MSRA: variants seen among roughly 807,000 people sequenced by gnomAD.
MSRA encodes methionine sulfoxide reductase A.
Under a neutral mutation model 31.3 loss-of-function variants are expected in MSRA, and 54 were observed. The ratio of observed to expected loss-of-function variants is 1.73; its 90% CI spans 1.39 to 2.17. The LOEUF (loss-of-function observed/expected upper bound fraction) is 2.17, where lower values mean the gene tolerates loss of function less well. MSRA is among the 30% of genes most tolerant of loss of function. The pLI, the probability that MSRA is intolerant of heterozygous loss-of-function variation, is 0.00. For missense variants in MSRA, 507 were observed against 300.9 expected (o/e 1.69, Z -5.07); for synonymous variants, 169 against 116.5 (o/e 1.45, Z -2.90).
intron 5 of MSRA, among the ~76,000 whole-genome samples, chr8:10,396,839 G>C (rs558819876): frequency 6.6e-6 from 1 of 152,182 alleles, no homozygotes; most frequent in Non-Finnish European, 1.5e-5. Flanking sequence ...GCCCTTACGC[G>C]AGATCTGTTG....
intron 3 of MSRA, among the ~76,000 whole-genome samples, chr8:10,251,958 C>T (rs1797941153): frequency 6.6e-6 from 1 of 152,074 alleles, no homozygotes; most frequent in Non-Finnish European, 1.5e-5. Flanking sequence ...AACTGGGTGA[C>T]CATGGAACCC....
intron 2 of MSRA, among the ~76,000 whole-genome samples, chr8:10,227,012 A>G (rs1204191098): frequency 6.6e-6 from 1 of 152,224 alleles, no homozygotes; most frequent in Non-Finnish European, 1.5e-5. Context: ...TTCCACGAGC[A>G]GAGGTCATTC....
chr8:10,339,699 G>A (rs911541228), intron 5 of MSRA, among the ~76,000 whole-genome samples: 4 of 151,720 alleles, frequency 2.6e-5, no homozygotes, highest in South Asian at 2.1e-4. Context: ...CTGCCACCAC[G>A]CCCGGCTAAT....
intron 5 of MSRA, among the ~76,000 whole-genome samples, chr8:10,366,359 G>A (rs1332567959): frequency 3.3e-5 from 5 of 152,222 alleles, no homozygotes; most frequent in African/African-American, 4.8e-5. Flanking sequence ...GTGTGAGCTC[G>A]GAAGATGCGA....
At position 10,319,898 on chromosome 8, in the gene MSRA, A is replaced by T. The variant is rs751013280; in HGVS notation, c.452A>T (p.Asn151Ile). The change falls in exon 5 of 6, where the codon AAC becomes ATC. Residue 151 changes from asparagine (N) to isoleucine (I), a missense_variant. By Grantham distance (149) the Asn-to-Ile change is moderately radical. Coordinates refer to ENST00000317173, the MANE Select transcript of MSRA (RefSeq NM_012331.5). Reference protein sequence around the residue: ...HDPTQGMRQGNDHGTQYRSAI... With the variant: ...HDPTQGMRQGIDHGTQYRSAI... ...GCTTTCCTAGGTATGCGCCAGGGGA[A>T]CGACCATGGCACTCAGTACCGCTCG... is the stretch of plus-strand genomic sequence containing the variant. 1 of 1,558,610 alleles carries T rather than the reference A, an allele frequency of 6.4e-7. No homozygotes were observed. Among genetic ancestry groups the T allele is most frequent in the African/African-American group, 1.4e-5 (1 of 72,970 alleles).
At chr8:10,114,457 A>T (rs7012601) in intron 1 of MSRA, among the ~76,000 whole-genome samples, 88,661 of 151,780 alleles carry the variant, frequency 0.58, 26,063 homozygotes, top group Middle Eastern at 0.67. Flanking sequence ...CTACCAATAA[A>T]GTATGAGCAT....
At chr8:10,262,853 T>C (rs1798553110) in intron 3 of MSRA, among the ~76,000 whole-genome samples, 1 of 152,270 alleles carries the variant, frequency 6.6e-6, no homozygotes, top group South Asian at 2.1e-4. Context: ...ACACCTTTCT[T>C]GTTCACTTGC....
intron 5 of MSRA, among the ~76,000 whole-genome samples, chr8:10,426,733 T>G (rs549575951): frequency 6.6e-6 from 1 of 152,346 alleles, no homozygotes; most frequent in African/African-American, 2.4e-5. Flanking sequence ...GTGATAATAA[T>G]AGGACTTCCT....
At chr8:10,353,444 C>T (rs1410612588) in intron 5 of MSRA, among the ~76,000 whole-genome samples, 2 of 151,460 alleles carry the variant, frequency 1.3e-5, no homozygotes, top group Non-Finnish European at 2.9e-5. Flanking sequence ...CTTGGAGGTT[C>T]CTCCCACTTC....
At position 10,403,620 on chromosome 8, in the gene MSRA, T is replaced by C. The variant is rs958039137; in HGVS notation, c.544-24528T>C. On this transcript the variant is annotated intron_variant, in intron 5 of 5. Coordinates refer to ENST00000317173, the MANE Select transcript of MSRA (RefSeq NM_012331.5). ...AAAGCATTCCCCAACAGTCTCCAGC[T>C]TGTGCCTCGTGTGTGTCTGTGGCCC... Among the ~76,000 whole-genome samples, 30 of 152,380 alleles carry C rather than the reference T, an allele frequency of 2.0e-4. No homozygotes were observed. The East Asian group carries it at 5.6e-3, about 28-fold the overall frequency.
chr8:10,274,246 T>G (rs1799200784), intron 3 of MSRA, among the ~76,000 whole-genome samples: 1 of 152,144 alleles, frequency 6.6e-6, no homozygotes, highest in Non-Finnish European at 1.5e-5. Flanking sequence ...GTAAAAGGCT[T>G]GGGTATGTAC....
At chr8:10,333,226 T>C (rs1419900791) in intron 5 of MSRA, among the ~76,000 whole-genome samples, 1 of 152,116 alleles carries the variant, frequency 6.6e-6, no homozygotes, top group African/African-American at 2.4e-5. Flanking sequence ...AACAGGGGAA[T>C]GTTTAGTGGC....
intron 3 of MSRA, among the ~76,000 whole-genome samples, chr8:10,262,772 C>G (rs1047193873): frequency 2.6e-5 from 4 of 152,234 alleles, no homozygotes; most frequent in African/African-American, 7.2e-5. Context: ...CCTCCACAGC[C>G]AGGCTCTGTT....
At chr8:10,207,715 AG>A in intron 1 of MSRA, 117 bp from the exon 2 acceptor site, 2 of 858,944 alleles carry the variant, frequency 2.3e-6, no homozygotes, top group Non-Finnish European at 1.8e-6. Context: ...TCAGAGGGTA[AG>A]CTTGGGTGCA....
intron 5 of MSRA, among the ~76,000 whole-genome samples, chr8:10,347,995 C>T (rs1007263895): frequency 1.3e-5 from 2 of 152,182 alleles, no homozygotes; most frequent in African/African-American, 4.8e-5. Context: ...TGGTCTTTGC[C>T]ATTTATAGAG....
intron 1 of MSRA, among the ~76,000 whole-genome samples, chr8:10,073,330 G>T (rs861496): frequency 0.2 from 29,695 of 151,918 alleles, 3,113 homozygotes; most frequent in African/African-American, 0.25. Flanking sequence ...TCAGGAAAAG[G>T]GTCTTCTACC....
chr8:10,178,709 C>G (rs900460839), intron 1 of MSRA, among the ~76,000 whole-genome samples: 1 of 152,048 alleles, frequency 6.6e-6, no homozygotes, highest in South Asian at 2.1e-4. Flanking sequence ...TCAAAGTAAC[C>G]CAGGTTCATA....
chr8:10,135,332 A>C (rs768907868), intron 1 of MSRA, among the ~76,000 whole-genome samples: 1 of 152,224 alleles, frequency 6.6e-6, no homozygotes, highest in African/African-American at 2.4e-5. Flanking sequence ...CTCTAAGGTG[A>C]CAAAAGAAAT....
At chr8:10,161,990 G>T (rs896728680) in intron 1 of MSRA, among the ~76,000 whole-genome samples, 48 of 152,210 alleles carry the variant, frequency 3.2e-4, no homozygotes, top group African/African-American at 1.1e-3. Context: ...GCGGATCCCA[G>T]CTCGCAGCAG....
Sources: gnomAD v4.1 joint callset for allele counts (sites outside exome capture counted in the v4.1 genomes callset) on GRCh38, gnomAD v4.1.1 for gene constraint, MANE v1.5 for transcripts, NCBI Gene and HGNC (gene_info 2026-07-23, HGNC 2026-07-21) for gene names.